The following ATXN10 variants were observed in gnomAD, a reference collection of about 807,000 sequenced individuals.
The protein encoded by ATXN10 is ataxin 10, also known as ataxin-10.
A neutral mutation model predicts 52.9 loss-of-function variants in ATXN10; 28 were observed. The observed-to-expected ratio is 0.53, with a 90% CI of 0.39 to 0.73. The LOEUF is 0.73. Among genes scored for constraint, ATXN10 ranks in the 30% least tolerant of loss-of-function variants. The pLI is 0.00. For synonymous variants in ATXN10, 226 were observed against 221.5 expected (o/e 1.02, Z -0.18); for missense variants, 565 against 577.0 (o/e 0.98, Z 0.21).
Position 45,701,565 on chromosome 22 carries a change from A to G in ATXN10, c.489-1124A>G, listed in dbSNP as rs888248402. The stretch of plus-strand genomic sequence containing the variant: ...TTAATGATATTTGAGCTTAGGTGGA[A>G]GAAGAGAATTACGAAATTCAAGCTA... On this transcript the variant is annotated intron_variant, in intron 4 of 11. Transcript: ENST00000252934. The surrounding 1 kb of genome is among the most constrained non-coding windows in gnomAD (Gnocchi z 4.2). 2.0e-5 allele frequency among the ~76,000 whole-genome samples: 3 copies of G among 152,242 alleles called. No individual in the cohort carries two copies. Among genetic ancestry groups the G allele is most frequent in the African/African-American group, 7.2e-5 (3 of 41,464 alleles).
chr22:45,807,192 C>G (rs1311505615), intron 10 of ATXN10, 170 bp downstream of exon 10: 7 of 714,322 alleles, frequency 9.8e-6, no homozygotes, highest in African/African-American at 1.8e-5. Flanking sequence ...AATATCATTT[C>G]TGTAACCTTT....
chr22:45,831,369 C>T (rs1400825694), intron 10 of ATXN10, among the ~76,000 whole-genome samples: 1 of 150,150 alleles, frequency 6.7e-6, no homozygotes, highest in Non-Finnish European at 1.5e-5. Context: ...TACCTTACCA[C>T]AGTAAAAAAA....
At chr22:45,755,232 C>G (rs756297594) in intron 9 of ATXN10, among the ~76,000 whole-genome samples, 1 of 152,234 alleles carries the variant, frequency 6.6e-6, no homozygotes, top group Non-Finnish European at 1.5e-5. Context: ...CCATGACCCT[C>G]TATCCTTCCG....
At chr22:45,734,469 G>A (rs1309147084) in intron 7 of ATXN10, 1 of 187,870 alleles carries the variant, frequency 5.3e-6, no homozygotes, top group African/African-American at 2.4e-5. Flanking sequence ...TAGCCTTGTA[G>A]TCGTTTTTTG....
rs28709413 is a variant in ATXN10 at position 45,740,717 on chromosome 22, C to T, written c.1173+179C>T. Reference sequence around the variant, plus strand: ...ACACACACACACACACACACACACACACATATATATACACACACACACGTG... The same window carrying T: ...ACACACACACACACACACACACACATACATATATATACACACACACACGTG... On this transcript the variant is annotated intron_variant, in intron 9 of 11. Transcript: ENST00000252934. The T allele has an allele frequency of 0.78, 315,042 of 405,874 alleles. 124,591 individuals carry two copies. The highest frequency in any genetic ancestry group is 0.82 in the Middle Eastern group (1,108 of 1,352). 25.1% of individuals were successfully genotyped at this position (405,874 alleles called of 1,614,324 possible).
At chr22:45,813,374 G>T (rs1429080588) in intron 10 of ATXN10, among the ~76,000 whole-genome samples, 1 of 148,186 alleles carries the variant, frequency 6.7e-6, no homozygotes, top group Non-Finnish European at 1.5e-5. Context: ...GGGAGGGTGT[G>T]GGGACAGGGA....
chr22:45,791,946 CTT>C (rs1218720564), intron 9 of ATXN10, among the ~76,000 whole-genome samples: 1 of 152,072 alleles, frequency 6.6e-6, no homozygotes, highest in African/African-American at 2.4e-5. Flanking sequence ...ATTTTAGTAT[CTT>C]TAAAAATTTT....
chr22:45,770,118 A>G lies in ATXN10; in HGVS notation c.1173+29580A>G, dbSNP rs1054868871. On this transcript the variant is annotated intron_variant, in intron 9 of 11. Coordinates refer to ENST00000252934, the MANE Select transcript of ATXN10 (RefSeq NM_013236.4). The surrounding 1 kb of genome is among the most constrained non-coding windows in gnomAD (Gnocchi z 4.5). ...TCAAGCTCTGTGCTTTCTGTATGCC[A>G]TTTACCTAGGAGAGGTGTTACTCCT... Among the ~76,000 whole-genome samples the G allele has an allele frequency of 6.6e-5, 10 of 152,192 alleles. No homozygotes were observed. Among genetic ancestry groups the G allele is most frequent in the South Asian group, 2.1e-4 (1 of 4,834 alleles).
Position 45,775,243 on chromosome 22 carries a change from A to G in ATXN10, c.1174-31716A>G, listed in dbSNP as rs928491533. ...TGGAGGACTGGGAGGGCTGGACATA[A>G]CAGGAGGCTACTGGTCCTGGGCATG... On this transcript the variant is annotated intron_variant, in intron 9 of 11. Transcript: ENST00000252934. The surrounding 1 kb of genome is among the most constrained non-coding windows in gnomAD (Gnocchi z 4.7). Among the ~76,000 whole-genome samples the G allele has an allele frequency of 5.3e-5, 8 of 152,130 alleles. No homozygotes were observed. The highest frequency in any genetic ancestry group is 8.8e-5 in the Non-Finnish European group (6 of 68,018).
intron 9 of ATXN10, among the ~76,000 whole-genome samples, chr22:45,794,837 A>C (rs993011041): frequency 1.3e-5 from 2 of 152,178 alleles, no homozygotes; most frequent in Non-Finnish European, 2.9e-5. Context: ...AACCTGACCT[A>C]TACAAATATA....
Position 45,736,093 on chromosome 22 carries a change from A to G in ATXN10, c.895-2638A>G, listed in dbSNP as rs1205891954. ...AATATCATAGAATTTAAGAGCTGGA[A>G]GGAGACTTCCAGTTCATCTCTTCCA... On this transcript the variant is annotated intron_variant, in intron 7 of 11. Coordinates refer to ENST00000252934, the MANE Select transcript of ATXN10 (RefSeq NM_013236.4). 2.6e-5 allele frequency among the ~76,000 whole-genome samples: 4 copies of G among 152,072 alleles called. No homozygotes were observed. In the East Asian group the frequency reaches 5.8e-4, roughly 22 times the overall value.
At chr22:45,685,816 T>A (rs983442658) in intron 1 of ATXN10, among the ~76,000 whole-genome samples, 1 of 152,230 alleles carries the variant, frequency 6.6e-6, no homozygotes, top group African/African-American at 2.4e-5. Context: ...GCTATAGATA[T>A]TTATTATATG....
intron 9 of ATXN10, among the ~76,000 whole-genome samples, chr22:45,794,334 CA>C (rs1927631727): frequency 1.3e-5 from 2 of 151,924 alleles, no homozygotes; most frequent in Admixed American, 6.6e-5. Flanking sequence ...TTTTCTGTCT[CA>C]GAAATATCTA....
At chr22:45,830,781 A>G (rs564792164) in intron 10 of ATXN10, among the ~76,000 whole-genome samples, 1 of 152,166 alleles carries the variant, frequency 6.6e-6, no homozygotes. Flanking sequence ...TGGTGCAGCC[A>G]TTGTGGAAAA....
At position 45,795,421 on chromosome 22, in the gene ATXN10, T is replaced by TTCTAC. The variant is rs1300154325; in HGVS notation, c.1174-11535_1174-11534insACTCT. ...TTCTATTCTATTCTATTCTATTCTATTCTTTTTGAGATGAAGTCTCTCTAT... is the reference window on the plus strand; with the variant it reads ...TTCTATTCTATTCTATTCTATTCTATTCTACTCTTTTTGAGATGAAGTCTCTCTAT... On this transcript the variant is annotated intron_variant, in intron 9 of 11. Coordinates refer to ENST00000252934, the MANE Select transcript of ATXN10 (RefSeq NM_013236.4). This position sits in a 1 kb window ranked among gnomAD's most constrained non-coding sequence, Gnocchi z 4.6. Among the ~76,000 whole-genome samples, 2 of 142,672 alleles carry TTCTAC rather than the reference T, an allele frequency of 1.4e-5. No individual in the cohort carries two copies. The highest frequency in any genetic ancestry group is 1.5e-5 in the Non-Finnish European group (1 of 66,980). 93.6% of individuals were successfully genotyped at this position (142,672 alleles called of 152,430 possible). A position where few individuals can be genotyped will look rare whatever the true frequency, so the allele number is the denominator to read the frequency against.
At chr22:45,719,879 T>C (rs1245133561) in intron 6 of ATXN10, among the ~76,000 whole-genome samples, 1 of 152,172 alleles carries the variant, frequency 6.6e-6, no homozygotes, top group Non-Finnish European at 1.5e-5. Context: ...CTGCTTGTTA[T>C]TGTAGCACAT....
chr22:45,691,350 G>C (rs907616175), intron 2 of ATXN10, among the ~76,000 whole-genome samples: 1 of 152,228 alleles, frequency 6.6e-6, no homozygotes, highest in Non-Finnish European at 1.5e-5. Context: ...AGCATTCGTT[G>C]AGCCTGCCTT....
rs1216808943 is a variant in ATXN10, at chr22:45,727,319, G to GTCTA, written c.729-2096_729-2093dup. ...ATACTTGATATAGTTCTGTCTGTCT[G>GTCTA]TCTATCTATCTATATCTATCTATCT... On this transcript the variant is annotated intron_variant, in intron 6 of 11. Coordinates refer to ENST00000252934, the MANE Select transcript of ATXN10 (RefSeq NM_013236.4). The surrounding 1 kb of genome is among the most constrained non-coding windows in gnomAD (Gnocchi z 4.6). Among the ~76,000 whole-genome samples, 59 of 136,256 alleles carry GTCTA rather than the reference G, an allele frequency of 4.3e-4. No individual in the cohort carries two copies. Among genetic ancestry groups the GTCTA allele is most frequent in the African/African-American group, 1.2e-3 (44 of 35,766 alleles). 89.4% of individuals were successfully genotyped at this position (136,256 alleles called of 152,430 possible).
At chr22:45,751,763 AAATAATAAT>A (rs1165303275) in intron 9 of ATXN10, among the ~76,000 whole-genome samples, 28 of 66,598 alleles carry the variant, frequency 4.2e-4, no homozygotes, top group African/African-American at 1.9e-3. Flanking sequence ...AATAAAAAAA[AAATAATAAT>A]AATAATAATA....
Sources: allele counts gnomAD v4.1 joint callset (sites outside exome capture counted in the v4.1 genomes callset), GRCh38; gene constraint gnomAD v4.1.1; non-coding constraint Gnocchi (gnomAD v3.1); transcripts MANE v1.5; gene names NCBI Gene and HGNC (gene_info 2026-07-23, HGNC 2026-07-21).